SMARCA2: variants seen among roughly 807,000 people sequenced by gnomAD.
SMARCA2 encodes SWI/SNF related BAF chromatin remodeling complex subunit ATPase 2.
SMARCA2 carries 61 observed loss-of-function variants against 199.8 expected under a neutral mutation model. The ratio of observed to expected loss-of-function variants is 0.31; its 90% confidence interval spans 0.25 to 0.38. The LOEUF (loss-of-function observed/expected upper bound fraction) is 0.38, where lower values mean the gene tolerates loss of function less well. SMARCA2 is among the 10% of genes least tolerant of loss of function. SMARCA2 has a pLI of 1.00. For missense variants in SMARCA2, 1,344 were observed against 2,012.2 expected (o/e 0.67, Z 6.35); for synonymous variants, 935 against 732.0 (o/e 1.28, Z -4.48).
Position 2,119,371 on chromosome 9 carries a change from C to A in SMARCA2, c.3685-87C>A. 2.5e-6 allele frequency: 2 copies of A among 800,770 alleles called. No individual in the cohort carries two copies. The allele number at this position is 800,770 out of a possible 1,614,324, so 49.6% of individuals were successfully genotyped here. A position where few individuals can be genotyped will look rare whatever the true frequency, so the allele number is the denominator to read the frequency against. ...TTCTTTCTGCCTTGAGAAATGGGAC[C>A]CCTCTGGTCTGGAGGACAGATCACT... On this transcript the variant is annotated intron_variant, in intron 25 of 33. Transcript: ENST00000349721. The surrounding 1 kb of genome is among the most constrained non-coding windows in gnomAD (Gnocchi z 4.6).
chr9:2,184,100 A>G (rs1827253539), intron 31 of SMARCA2, among the ~76,000 whole-genome samples: 7 of 152,146 alleles, frequency 4.6e-5, no homozygotes, highest in Admixed American at 4.6e-4. Flanking sequence ...TGCACTGTCT[A>G]GAATGAATTT....
At chr9:2,140,892 C>G (rs1463909991) in intron 27 of SMARCA2, among the ~76,000 whole-genome samples, 1 of 151,936 alleles carries the variant, frequency 6.6e-6, no homozygotes, top group Non-Finnish European at 1.5e-5. Flanking sequence ...CTGTACTGGG[C>G]ACTTGGTGCC....
rs1335416125 is a variant in SMARCA2, at chr9:2,073,566, T to C, written c.1878T>C (p.Gly626=). The stretch of plus-strand genomic sequence containing the variant: ...CCTCTTCCTCACTCTTTTTCCTTAG[T>C]TATGAAGTTGCCCCTAGATCTGACA... ...QLDAWLEMNP[G]YEVAPRSDSE... Residue 626 remains glycine, a splice_region_variant and synonymous_variant, in exon 12 of 34, where the codon GGT becomes GGC. Coordinates refer to ENST00000349721, the MANE Select transcript of SMARCA2 (RefSeq NM_003070.5). 6.2e-7 allele frequency: 1 copy of C among 1,611,326 alleles called. No individual in the cohort carries two copies. The highest frequency in any genetic ancestry group is 8.5e-7 in the Non-Finnish European group (1 of 1,177,600).
At chr9:2,085,342 G>T (rs1821754450) in intron 17 of SMARCA2, among the ~76,000 whole-genome samples, 1 of 152,260 alleles carries the variant, frequency 6.6e-6, no homozygotes, top group Middle Eastern at 3.4e-3. Context: ...GAGACGCCTG[G>T]TAATGAGATG....
At position 2,169,604 on chromosome 9, in the gene SMARCA2, C is replaced by G. The variant is rs758903917; in HGVS notation, c.4200-815C>G. ...CTAGAGCAGAATGGGGCAGTGACTC[C>G]GAGAAGGGATTTATACATGGACAGG... is the stretch of plus-strand genomic sequence containing the variant. On this transcript the variant is annotated intron_variant, in intron 28 of 33. Transcript: ENST00000349721. The surrounding 1 kb of genome is among the most constrained non-coding windows in gnomAD (Gnocchi z 6.5). 6.6e-6 allele frequency among the ~76,000 whole-genome samples: 1 copy of G among 152,098 alleles called. No homozygotes were observed. The highest frequency in any genetic ancestry group is 2.1e-4 in the South Asian group (1 of 4,812).
chr9:2,143,087 G>A (rs187883946), intron 27 of SMARCA2, among the ~76,000 whole-genome samples: 2 of 152,278 alleles, frequency 1.3e-5, no homozygotes, highest in African/African-American at 4.8e-5. Context: ...TACCTGTAAT[G>A]TATTGTGCTA....
chr9:2,157,260 G>C (rs1448393907), intron 27 of SMARCA2, among the ~76,000 whole-genome samples: 1 of 152,114 alleles, frequency 6.6e-6, no homozygotes, highest in Non-Finnish European at 1.5e-5. Context: ...TGTATTATTG[G>C]CTTCCAGGAT....
At chr9:2,020,521 T>C (rs998369896) in intron 1 of SMARCA2, among the ~76,000 whole-genome samples, 3 of 152,232 alleles carry the variant, frequency 2.0e-5, no homozygotes, top group Non-Finnish European at 4.4e-5. Flanking sequence ...TATAGGAGTC[T>C]AAAACTATGT....
chr9:2,040,115 G>C, intron 4 of SMARCA2: 7 of 1,003,220 alleles, frequency 7.0e-6, no homozygotes, highest in Non-Finnish European at 9.9e-6. Context: ...TTAAAAGGTG[G>C]TTGTGCAAGC....
intron 4 of SMARCA2, chr9:2,044,544 C>T (rs1277470684): frequency 6.6e-6 from 1 of 152,186 alleles, no homozygotes; most frequent in Non-Finnish European, 1.5e-5. Flanking sequence ...AATAAAACGA[C>T]AAAAGCCGAG....
chr9:2,157,796 C>A, intron 27 of SMARCA2: 1 of 397,762 alleles, frequency 2.5e-6, no homozygotes, highest in Non-Finnish European at 4.4e-6. Context: ...TACTGTGAAC[C>A]ACGCATAACA....
chr9:2,040,184 T>G (rs1819544167), intron 4 of SMARCA2: 2 of 618,798 alleles, frequency 3.2e-6, no homozygotes, highest in African/African-American at 1.8e-5. Context: ...GGTTCAAGGT[T>G]TCTTGGAAGC....
At chr9:2,072,746 C>G (rs77791200) in intron 10 of SMARCA2, among the ~76,000 whole-genome samples, 1 of 152,346 alleles carries the variant, frequency 6.6e-6, no homozygotes, top group Non-Finnish European at 1.5e-5. Flanking sequence ...CTGGGCAACT[C>G]ATCAGATCTC....
Position 2,170,091 on chromosome 9 carries a change from C to T in SMARCA2, c.4200-328C>T, listed in dbSNP as rs183624392. Reference sequence around the variant, plus strand: ...CTAGCACTACCTTCCCAAGATCACACGCACCTCTAGCCAGTGGCTGCCTGT... The same window carrying T: ...CTAGCACTACCTTCCCAAGATCACATGCACCTCTAGCCAGTGGCTGCCTGT... On this transcript the variant is annotated intron_variant, in intron 28 of 33. Coordinates refer to ENST00000349721, the MANE Select transcript of SMARCA2 (RefSeq NM_003070.5). The surrounding 1 kb of genome is among the most constrained non-coding windows in gnomAD (Gnocchi z 4.7). Among the ~76,000 whole-genome samples, 6 of 152,294 alleles carry T rather than the reference C, an allele frequency of 3.9e-5. No individual in the cohort carries two copies. The highest frequency in any genetic ancestry group is 1.9e-4 in the East Asian group (1 of 5,186).
At chr9:2,058,722 C>T (rs1820461500) in intron 8 of SMARCA2, among the ~76,000 whole-genome samples, 1 of 152,126 alleles carries the variant, frequency 6.6e-6, no homozygotes, top group Non-Finnish European at 1.5e-5. Context: ...CACATTACAG[C>T]TTCTCTCATA....
chr9:2,037,321 A>T (rs1819377719), intron 3 of SMARCA2, among the ~76,000 whole-genome samples: 1 of 152,230 alleles, frequency 6.6e-6, no homozygotes, highest in African/African-American at 2.4e-5. Context: ...TGGCTAATTT[A>T]TATAACCAAC....
At chr9:2,098,407 T>G (rs1822362981) in intron 21 of SMARCA2, among the ~76,000 whole-genome samples, 1 of 152,256 alleles carries the variant, frequency 6.6e-6, no homozygotes, top group African/African-American at 2.4e-5. Context: ...CAGTTGTACA[T>G]GTCAGGTCAG....
chr9:2,177,127 C>T (rs1164569681), intron 29 of SMARCA2, among the ~76,000 whole-genome samples: 1 of 152,142 alleles, frequency 6.6e-6, no homozygotes, highest in African/African-American at 2.4e-5. Context: ...GTAAATTCTT[C>T]AATGATATAT....
chr9:2,087,273 G>T (rs751993028), intron 18 of SMARCA2: 10 of 607,020 alleles, frequency 1.6e-5, no homozygotes, highest in Non-Finnish European at 2.9e-5. Flanking sequence ...TGGTACATGG[G>T]GCATCTAACC....
Sources: allele counts gnomAD v4.1 joint callset (sites outside exome capture counted in the v4.1 genomes callset), GRCh38; gene constraint gnomAD v4.1.1; non-coding constraint Gnocchi (gnomAD v3.1); transcripts MANE v1.5; gene names NCBI Gene and HGNC (gene_info 2026-07-23, HGNC 2026-07-21).